The following JMJD1C variants were observed in gnomAD, a reference collection of about 807,000 sequenced individuals.
The protein encoded by JMJD1C is jumonji domain-containing protein 1C.
JMJD1C carries 31 observed loss-of-function variants against 245.3 expected under a neutral mutation model. That is an observed-to-expected ratio of 0.13 (90% CI 0.09 to 0.17). JMJD1C has a LOEUF of 0.17. Among genes scored for constraint, JMJD1C ranks in the 10% least tolerant of loss-of-function variants. The pLI, the probability that JMJD1C is intolerant of heterozygous loss-of-function variation, is 1.00. For missense variants in JMJD1C, 2,691 were observed against 3,000.2 expected (o/e 0.90, Z 2.41); for synonymous variants, 1,057 against 1,017.4 (o/e 1.04, Z -0.74).
In JMJD1C at chr10:63,207,759, A is replaced by C. The variant is rs2133153760; in HGVS notation, c.3910T>G (p.Ser1304Ala). ...CTAGAAGATGGACGCACAATGACAGATGCCATAGCAGCCTGTAACTTTCCG... is the reference window on the plus strand; with the variant it reads ...CTAGAAGATGGACGCACAATGACAGCTGCCATAGCAGCCTGTAACTTTCCG... ...SSGKLQAAMA[S>A]VIVRPSSSTK... is the part of the protein sequence containing the mutation. The change falls in exon 10 of 26, where the codon TCT becomes GCT. Residue 1304 changes from serine (S) to alanine (A), a missense_variant. Physicochemically the swap from Ser to Ala is moderately conservative, Grantham distance 99 (BLOSUM62 1). Around this residue, in one of 9 missense-constraint regions of JMJD1C, gnomAD observed 1,562 missense variants for 1,490.7 expected, o/e 1.05. Coordinates refer to ENST00000399262, the MANE Select transcript of JMJD1C (RefSeq NM_032776.3). 1 of 1,614,206 alleles carries C rather than the reference A, an allele frequency of 6.2e-7. No individual in the cohort carries two copies. Among genetic ancestry groups the C allele is most frequent in the Non-Finnish European group, 8.5e-7 (1 of 1,180,022 alleles).
intron 3 of JMJD1C, among the ~76,000 whole-genome samples, chr10:63,250,383 G>C (rs1294948488): frequency 6.6e-6 from 1 of 152,116 alleles, no homozygotes; most frequent in Non-Finnish European, 1.5e-5. Flanking sequence ...ATGAGGAAAA[G>C]ATACCTTGGA....
At chr10:63,298,793 TACAACCTCGGCTCACC>T (rs1292200368) in intron 2 of JMJD1C, among the ~76,000 whole-genome samples, 1 of 152,122 alleles carries the variant, frequency 6.6e-6, no homozygotes, top group Non-Finnish European at 1.5e-5. Flanking sequence ...AGTGCAATGG[TACAACCTCGGCTCACC>T]GCAACCTCCA....
Position 63,244,164 on chromosome 10 carries a change from G to A in JMJD1C, c.447+20487C>T, listed in dbSNP as rs190394248. On this transcript the variant is annotated intron_variant, in intron 3 of 25. Coordinates refer to ENST00000399262, the MANE Select transcript of JMJD1C (RefSeq NM_032776.3). ...ACTCTGCTCCATAAATTAGACAAAG[G>A]AGATGCCATATCAGAGTGGCAGTTC... Among the ~76,000 whole-genome samples the A allele has an allele frequency of 4.9e-3, 745 of 152,304 alleles. 7 individuals carry two copies. The highest frequency in any genetic ancestry group is 8.0e-3 in the Non-Finnish European group (544 of 68,030).
chr10:63,260,525 T>G (rs1345865275), intron 3 of JMJD1C, among the ~76,000 whole-genome samples: 1 of 152,174 alleles, frequency 6.6e-6, no homozygotes, highest in African/African-American at 2.4e-5. Flanking sequence ...AAAGTTTTTT[T>G]GAACTTCTAT....
At position 63,190,934 on chromosome 10, in the gene JMJD1C, G is replaced by C. The variant is rs1441624022; in HGVS notation, c.6251C>G (p.Ala2084Gly). The C allele has an allele frequency of 1.2e-6, 2 of 1,614,092 alleles. No individual in the cohort carries two copies. Among genetic ancestry groups the C allele is most frequent in the East Asian group, 2.2e-5 (1 of 44,888 alleles). Reference protein sequence around the residue: ...AGKLRVGSTDAGIAFAPVYSM... With the variant: ...AGKLRVGSTDGGIAFAPVYSM... ...ATATACTGGGGCAAAGGCAATGCCA[G>C]CATCTGTAGACCCCACACGTAGCTT... The change falls in exon 17 of 26, where the codon GCT (alanine) becomes GGT (glycine). Residue 2084 changes from alanine to glycine, a missense_variant. Around this residue, in one of 9 missense-constraint regions of JMJD1C, gnomAD observed 275 missense variants for 285.5 expected, o/e 0.96. Coordinates refer to ENST00000399262, the MANE Select transcript of JMJD1C (RefSeq NM_032776.3).
At chr10:63,295,989 G>A (rs1471290100) in intron 2 of JMJD1C, among the ~76,000 whole-genome samples, 10 of 10,132 alleles carry the variant, frequency 9.9e-4, no homozygotes, top group African/African-American at 4.0e-3. Context: ...GTGTGTGTGT[G>A]TGTGTGTGTG....
At chr10:63,173,425 A>G (rs1007006097) in intron 24 of JMJD1C, among the ~76,000 whole-genome samples, 4 of 152,218 alleles carry the variant, frequency 2.6e-5, no homozygotes, top group African/African-American at 9.6e-5. Flanking sequence ...GGACCTCATC[A>G]AAATGGAAAA....
chr10:63,170,836 C>T (rs1189247927), intron 24 of JMJD1C, among the ~76,000 whole-genome samples: 1 of 152,170 alleles, frequency 6.6e-6, no homozygotes, highest in Non-Finnish European at 1.5e-5. Flanking sequence ...GCTTCTCATT[C>T]TGATTATCCC....
At chr10:63,413,870 T>C (rs554626058) in intron 1 of JMJD1C, among the ~76,000 whole-genome samples, 1 of 152,306 alleles carries the variant, frequency 6.6e-6, no homozygotes, top group South Asian at 2.1e-4. Context: ...AAAAGGTTCC[T>C]TGATTCTATT....
chr10:63,392,799 T>C (rs1948157998), intron 1 of JMJD1C, among the ~76,000 whole-genome samples: 1 of 122,922 alleles, frequency 8.1e-6, no homozygotes, highest in African/African-American at 3.3e-5. Context: ...CCCTCTAGCC[T>C]GGTGACAGAG....
intron 2 of JMJD1C, among the ~76,000 whole-genome samples, chr10:63,369,571 T>A (rs2134419715): frequency 6.6e-6 from 1 of 152,334 alleles, no homozygotes; most frequent in Admixed American, 6.5e-5. Context: ...GCTTTATAAA[T>A]TAGATTGACT....
chr10:63,198,023 A>AT (rs1845639345), intron 12 of JMJD1C, among the ~76,000 whole-genome samples: 1 of 152,248 alleles, frequency 6.6e-6, no homozygotes. Context: ...TAATATTTAG[A>AT]GCATCTACTA....
At chr10:63,327,280 TA>T (rs2134144170) in intron 2 of JMJD1C, among the ~76,000 whole-genome samples, 1 of 152,330 alleles carries the variant, frequency 6.6e-6, no homozygotes, top group African/African-American at 2.4e-5. Context: ...GGCTTAAAAA[TA>T]CGTTTCTATG....
chr10:63,347,067 A>ATT (rs71025162), intron 2 of JMJD1C, among the ~76,000 whole-genome samples: 6 of 104,184 alleles, frequency 5.8e-5, no homozygotes, highest in Non-Finnish European at 9.9e-5. Context: ...AATGAAAAGA[A>ATT]TTTTTTTTTT....
intron 1 of JMJD1C, among the ~76,000 whole-genome samples, chr10:63,445,219 T>C (rs1951638786): frequency 6.6e-6 from 1 of 152,084 alleles, no homozygotes; most frequent in South Asian, 2.1e-4. Flanking sequence ...GAGCCAGTCT[T>C]TAAATGATTT....
At chr10:63,345,484 G>C (rs1589537920) in intron 2 of JMJD1C, among the ~76,000 whole-genome samples, 1 of 104,966 alleles carries the variant, frequency 9.5e-6, no homozygotes, top group Non-Finnish European at 1.9e-5. Flanking sequence ...GTGAGACTTT[G>C]TCTCAAAAAA....
At chr10:63,486,163 AAAAAAC>A (rs1292617525) in intron 1 of JMJD1C, among the ~76,000 whole-genome samples, 49 of 42,958 alleles carry the variant, frequency 1.1e-3, no homozygotes, top group East Asian at 4.3e-3. Context: ...AAAAAAAAAA[AAAAAAC>A]AAAAAACAGA....
rs1589695772 is a variant in JMJD1C, at chr10:63,411,366, T to G, written c.169-30884A>C. On this transcript the variant is annotated intron_variant, in intron 1 of 25. Coordinates refer to ENST00000399262, the MANE Select transcript of JMJD1C (RefSeq NM_032776.3). ...CCAGGCTGGAGTAGGTGGCCCAATC[T>G]TGGCTCACTGCAACCTCCGCCTCCC... Among the ~76,000 whole-genome samples, 5 of 151,464 alleles carry G rather than the reference T, an allele frequency of 3.3e-5. 2 individuals are homozygous for G. The highest frequency in any genetic ancestry group is 3.3e-4 in the Admixed American group (5 of 15,200).
intron 2 of JMJD1C, among the ~76,000 whole-genome samples, chr10:63,367,960 A>G (rs915935424): frequency 6.6e-6 from 1 of 152,176 alleles, no homozygotes; most frequent in East Asian, 1.9e-4. Context: ...TGTTTCCCCT[A>G]CTTAAACAGA....
Sources: allele counts gnomAD v4.1 joint callset (sites outside exome capture counted in the v4.1 genomes callset), GRCh38; gene constraint gnomAD v4.1.1; regional missense constraint gnomAD v4.1.1; transcripts MANE v1.5; gene names NCBI Gene and HGNC (gene_info 2026-07-23, HGNC 2026-07-21).